The following CSPP1 variants were observed in gnomAD, a reference collection of about 807,000 sequenced individuals.
The protein encoded by CSPP1 is centrosome and spindle pole-associated protein 1.
CSPP1 carries 126 observed loss-of-function variants against 164.4 expected under a neutral mutation model. That is an observed-to-expected ratio of 0.77 (90% CI 0.66 to 0.89). The LOEUF (loss-of-function observed/expected upper bound fraction) is 0.89, where lower values mean the gene tolerates loss of function less well. Ranked by LOEUF, CSPP1 falls within the 40% of genes least tolerant of loss-of-function variation. CSPP1 has a pLI of 0.00. For synonymous variants in CSPP1, 472 were observed against 476.7 expected, an observed-to-expected ratio of 0.99 and a Z score of 0.13; for missense variants, 1,395 against 1,449.8, an observed-to-expected ratio of 0.96 and a Z score of 0.61.
chr8:67,145,520 C>CTTTTTTTTTTTT (rs1053090081), intron 17 of CSPP1, among the ~76,000 whole-genome samples: 2 of 143,626 alleles, frequency 1.4e-5, no homozygotes, highest in African/African-American at 5.1e-5. Flanking sequence ...TAATTTCTTT[C>CTTTTTTTTTTTT]TTTTTTTTTT....
At chr8:67,082,907 GCA>G (rs1809507801) in intron 3 of CSPP1, among the ~76,000 whole-genome samples, 1 of 152,082 alleles carries the variant, frequency 6.6e-6, no homozygotes, top group Admixed American at 6.6e-5. Flanking sequence ...AAGACAACAG[GCA>G]CAATAAGTAA....
intron 15 of CSPP1, among the ~76,000 whole-genome samples, chr8:67,120,613 T>C (rs1433027430): frequency 1.3e-5 from 2 of 152,148 alleles, no homozygotes; most frequent in Non-Finnish European, 2.9e-5. Flanking sequence ...TTTTATTCTT[T>C]TGGATGCTTT....
At chr8:67,171,046 A>G (rs1830364390) in intron 24 of CSPP1, among the ~76,000 whole-genome samples, 1 of 145,274 alleles carries the variant, frequency 6.9e-6, no homozygotes, top group Admixed American at 6.8e-5. Context: ...TCGGCCTCCC[A>G]AAGTGCTGGG....
At chr8:67,192,344 G>C (rs1198734153) in intron 29 of CSPP1, among the ~76,000 whole-genome samples, 2 of 152,136 alleles carry the variant, frequency 1.3e-5, no homozygotes, top group African/African-American at 4.8e-5. Context: ...CAGAGTGCTA[G>C]GATTACAGGC....
chr8:67,165,021 C>T (rs754334470), intron 24 of CSPP1, among the ~76,000 whole-genome samples: 45 of 152,194 alleles, frequency 3.0e-4, no homozygotes, highest in Non-Finnish European at 4.7e-4. Context: ...CAGTTGCTCA[C>T]GCCTGTAATC....
At chr8:67,178,858 G>T (rs1230281549) in intron 27 of CSPP1, among the ~76,000 whole-genome samples, 3 of 152,186 alleles carry the variant, frequency 2.0e-5, no homozygotes, top group African/African-American at 7.2e-5. Flanking sequence ...TTTGACACTT[G>T]TGCATGTGAT....
chr8:67,166,932 C>G (rs559428920), intron 24 of CSPP1, among the ~76,000 whole-genome samples: 55 of 151,810 alleles, frequency 3.6e-4, no homozygotes, highest in African/African-American at 1.2e-3. Context: ...GACTCTTAAC[C>G]AGCATGCTGC....
intron 9 of CSPP1, among the ~76,000 whole-genome samples, chr8:67,108,836 A>G (rs999340303): frequency 1.3e-5 from 2 of 152,172 alleles, no homozygotes; most frequent in Non-Finnish European, 1.5e-5. Context: ...TAACAGTAAC[A>G]AGCCTTTGCT....
chr8:67,092,092 T>C (rs1811733895), intron 5 of CSPP1, among the ~76,000 whole-genome samples: 2 of 152,236 alleles, frequency 1.3e-5, no homozygotes, highest in Admixed American at 6.5e-5. Flanking sequence ...TAATTTTATA[T>C]TTCTTTAATA....
intron 4 of CSPP1, among the ~76,000 whole-genome samples, chr8:67,088,379 C>T (rs1383712033): frequency 6.6e-6 from 1 of 151,754 alleles, no homozygotes; most frequent in African/African-American, 2.4e-5. Context: ...TCTCAGCCTC[C>T]TGGGTTCAAG....
At chr8:67,142,497 G>A (rs577015692) in intron 17 of CSPP1, among the ~76,000 whole-genome samples, 2 of 152,100 alleles carry the variant, frequency 1.3e-5, no homozygotes, top group Non-Finnish European at 2.9e-5. Flanking sequence ...TATGTCAGTA[G>A]CTTATTTTTT....
chr8:67,163,544 A>G (rs1308509612), intron 22 of CSPP1, among the ~76,000 whole-genome samples, 188 bp from the exon 23 acceptor site: 1 of 152,134 alleles, frequency 6.6e-6, no homozygotes, highest in East Asian at 1.9e-4. Context: ...CATGGTAGAT[A>G]CACTCTAGAA....
chr8:67,090,760 C>CAAATAT (rs1811449998), intron 4 of CSPP1, among the ~76,000 whole-genome samples: 1 of 152,288 alleles, frequency 6.6e-6, no homozygotes, highest in East Asian at 1.9e-4. Flanking sequence ...TGTATCCCTA[C>CAAATAT]CATCTGAAAA....
At chr8:67,067,104 T>C (rs1805725773) in intron 1 of CSPP1, among the ~76,000 whole-genome samples, 1 of 152,208 alleles carries the variant, frequency 6.6e-6, no homozygotes, top group Admixed American at 6.5e-5. Flanking sequence ...TGTCATGCTT[T>C]AGGAGGGAAG....
chr8:67,155,710 C>G (rs1826536521), intron 19 of CSPP1, among the ~76,000 whole-genome samples: 1 of 152,056 alleles, frequency 6.6e-6, no homozygotes. Context: ...ATTGCTTGAG[C>G]CCAGGAGGCA....
intron 28 of CSPP1, 23 bp from the exon 29 acceptor site, chr8:67,190,627 T>A: frequency 6.4e-7 from 1 of 1,560,558 alleles, no homozygotes; most frequent in South Asian, 1.1e-5. Context: ...TAAGACTCCT[T>A]CTGCTTTTCG....
chr8:67,100,964 T>C (rs72654942), intron 7 of CSPP1, among the ~76,000 whole-genome samples: 5,194 of 152,160 alleles, frequency 0.034, 144 homozygotes, highest in Non-Finnish European at 0.054. Context: ...ATAGTTGTAG[T>C]CACAGTTATA....
intron 28 of CSPP1, among the ~76,000 whole-genome samples, chr8:67,184,148 C>G (rs530709580): frequency 6.6e-6 from 1 of 152,066 alleles, no homozygotes; most frequent in Admixed American, 6.5e-5. Context: ...CCACTGCGCC[C>G]GGCCAAAAAT....
chr8:67,119,248 A>G (rs1221732799), intron 15 of CSPP1, among the ~76,000 whole-genome samples: 1 of 152,212 alleles, frequency 6.6e-6, no homozygotes, highest in African/African-American at 2.4e-5. Context: ...TTGTAATTGT[A>G]TACAACATTT....
Sources: gnomAD v4.1 joint callset for allele counts (sites outside exome capture counted in the v4.1 genomes callset) on GRCh38, gnomAD v4.1.1 for gene constraint, MANE v1.5 for transcripts, NCBI Gene and HGNC (gene_info 2026-07-23, HGNC 2026-07-21) for gene names.